NECTIN3: variants seen among roughly 807,000 people sequenced by gnomAD.
NECTIN3 encodes nectin-3.
In NECTIN3, 8 loss-of-function variants were observed where a neutral mutation model predicts 49.4. The observed-to-expected ratio is 0.16, with a 90% CI of 0.10 to 0.29. The LOEUF is 0.29. NECTIN3 is among the 10% of genes least tolerant of loss of function. NECTIN3 has a pLI of 1.00. For missense variants in NECTIN3, 581 were observed against 654.6 expected (o/e 0.89, Z 1.23); for synonymous variants, 277 against 241.1 (o/e 1.15, Z -1.38).
intron 7 of NECTIN3, among the ~76,000 whole-genome samples, chr3:111,180,377 G>A (rs1035500385): frequency 3.3e-5 from 5 of 152,134 alleles, no homozygotes; most frequent in East Asian, 3.9e-4. Flanking sequence ...TATGACTAGC[G>A]TACGCATATG....
chr3:111,125,901 T>A (rs1208115910), intron 4 of NECTIN3, among the ~76,000 whole-genome samples: 1 of 152,262 alleles, frequency 6.6e-6, no homozygotes, highest in African/African-American at 2.4e-5. Context: ...AAAATTTTTT[T>A]AATTATATTT....
At chr3:111,141,860 G>A (rs896520678), downstream of NECTIN3, among the ~76,000 whole-genome samples, 4 of 151,854 alleles carry the variant, frequency 2.6e-5, no homozygotes, top group African/African-American at 9.7e-5. Context: ...CATTCACTCA[G>A]TAAACTACCT....
chr3:111,077,933 G>C (rs1380421106), intron 1 of NECTIN3, among the ~76,000 whole-genome samples: 1 of 152,108 alleles, frequency 6.6e-6, no homozygotes. Context: ...CATTTAAAAA[G>C]TGAAGAAGAA....
chr3:111,141,264 T>C (rs1363790970), downstream of NECTIN3, among the ~76,000 whole-genome samples: 5 of 151,832 alleles, frequency 3.3e-5, no homozygotes, highest in African/African-American at 1.2e-4. Flanking sequence ...TACAATAATA[T>C]ATAGTATGGG....
Position 111,072,087 on chromosome 3 carries a change from C to T in NECTIN3, c.70C>T (p.Leu24Phe), listed in dbSNP as rs1217225030. Reference protein sequence around the residue: ...GGKAQLSSASLLGAGLLLQPP... With the variant: ...GGKAQLSSASFLGAGLLLQPP... ...CAAAGCACAACTTTCCTCCGCTTCT[C>T]TCCTCGGAGCCGGGCTCCTGCTGCA... Residue 24 changes from leucine to phenylalanine, a missense_variant, in exon 1 of 6, where the codon CTC (leucine) becomes TTC (phenylalanine). This residue lies in a region of NECTIN3 where 109 missense variants were observed against 69.1 expected (regional missense o/e 1.58). Transcript: ENST00000485303. 6 of 1,549,524 alleles carry T rather than the reference C, an allele frequency of 3.9e-6. No homozygotes were observed. The highest frequency in any genetic ancestry group is 2.4e-5 in the East Asian group (1 of 40,830).
upstream of NECTIN3, among the ~76,000 whole-genome samples, chr3:111,190,604 C>G (rs1184935372): frequency 6.6e-6 from 1 of 152,190 alleles, no homozygotes; most frequent in African/African-American, 2.4e-5. Context: ...ACTATAACTT[C>G]ATAAGAAGGA....
At chr3:111,132,770 C>T (rs2034438842) in intron 5 of NECTIN3, among the ~76,000 whole-genome samples, 1 of 151,810 alleles carries the variant, frequency 6.6e-6, no homozygotes. Context: ...GAGACTCCAT[C>T]CTAAAGTAGT....
downstream of NECTIN3, among the ~76,000 whole-genome samples, chr3:111,141,788 T>G (rs1360376137): frequency 6.6e-6 from 1 of 151,960 alleles, no homozygotes; most frequent in African/African-American, 2.4e-5. Context: ...GTTTTCTGCC[T>G]CTTGTAAGCA....
intron 7 of NECTIN3, among the ~76,000 whole-genome samples, chr3:111,176,743 T>TA (rs1167864124): frequency 2.0e-5 from 3 of 152,046 alleles, no homozygotes; most frequent in Non-Finnish European, 4.4e-5. Context: ...AAAATACATG[T>TA]AAAAATATGT....
rs1486427244 is a variant in NECTIN3, at chr3:111,071,991, G to A, written c.-27G>A. 1.4e-6 allele frequency: 2 copies of A among 1,425,658 alleles called. No individual in the cohort carries two copies. Among genetic ancestry groups the A allele is most frequent in the African/African-American group, 3.0e-5 (2 of 66,550 alleles). 88.3% of individuals were successfully genotyped at this position (1,425,658 alleles called of 1,614,324 possible). ...GCCGGGGGAGCCGGGGGGCGGGCGG[G>A]CGAGCGGGCCGGGGGGAGGGTGGGG... On this transcript the variant is annotated 5_prime_UTR_variant, in exon 1 of 6. Coordinates refer to ENST00000485303, the MANE Select transcript of NECTIN3 (RefSeq NM_015480.3).
chr3:111,172,947 A>G (rs980601931), intron 7 of NECTIN3, among the ~76,000 whole-genome samples: 9 of 152,296 alleles, frequency 5.9e-5, no homozygotes, highest in African/African-American at 2.2e-4. Context: ...AAGATTTTTT[A>G]CAGCTTTTGA....
chr3:111,118,264 A>ATATATATATG (rs1447481111), intron 2 of NECTIN3, among the ~76,000 whole-genome samples: 4 of 137,872 alleles, frequency 2.9e-5, no homozygotes, highest in African/African-American at 1.0e-4. Flanking sequence ...ATATATATAT[A>ATATATATATG]TATATATATA....
At chr3:111,145,138 G>C (rs1194896185) in intron 6 of NECTIN3, 12 of 1,311,968 alleles carry the variant, frequency 9.1e-6, no homozygotes, top group Non-Finnish European at 1.2e-5. Flanking sequence ...AGGGATAGAA[G>C]TAAGGATAAT....
At position 111,071,986 on chromosome 3, in the gene NECTIN3, G is replaced by A; in HGVS notation, c.-32G>A. 2.9e-6 allele frequency: 4 copies of A among 1,379,032 alleles called. No homozygotes were observed. The highest frequency in any genetic ancestry group is 3.8e-6 in the Non-Finnish European group (4 of 1,049,812). 85.4% of individuals were successfully genotyped at this position (1,379,032 alleles called of 1,614,324 possible). A position where few individuals can be genotyped will look rare whatever the true frequency, so the allele number is the denominator to read the frequency against. ...CCGGGGCCGGGGGAGCCGGGGGGCG[G>A]GCGGGCGAGCGGGCCGGGGGGAGGG... is the stretch of plus-strand genomic sequence containing the variant. On this transcript the variant is annotated 5_prime_UTR_variant, in exon 1 of 6. Coordinates refer to ENST00000485303, the MANE Select transcript of NECTIN3 (RefSeq NM_015480.3).
At chr3:111,111,214 T>G (rs1218873104) in intron 1 of NECTIN3, among the ~76,000 whole-genome samples, 2 of 152,170 alleles carry the variant, frequency 1.3e-5, no homozygotes, top group Non-Finnish European at 2.9e-5. Flanking sequence ...TCATGAATGT[T>G]AGCTTTATAT....
Position 111,148,133 on chromosome 3 carries a change from C to T in NECTIN3, c.1221+649C>T, listed in dbSNP as rs112422328. ...CAACATGTTGGATCTCTAAGCTGTA[C>T]TGGGGTTGTATAACCTCTGGGGGCA... On this transcript the variant is annotated intron_variant, in intron 7 of 8. Coordinates refer to the NECTIN3 transcript ENST00000493615. Among the ~76,000 whole-genome samples the T allele has an allele frequency of 3.2e-3, 487 of 152,304 alleles. 4 individuals are homozygous for T. The highest frequency in any genetic ancestry group is 0.011 in the African/African-American group (459 of 41,564).
At chr3:111,091,008 A>G (rs2032236395) in intron 1 of NECTIN3, among the ~76,000 whole-genome samples, 1 of 152,124 alleles carries the variant, frequency 6.6e-6, no homozygotes, top group African/African-American at 2.4e-5. Context: ...TATAATTCAC[A>G]TACTTTACAG....
At chr3:111,170,679 A>G (rs1331298062) in intron 7 of NECTIN3, among the ~76,000 whole-genome samples, 1 of 152,180 alleles carries the variant, frequency 6.6e-6, no homozygotes, top group African/African-American at 2.4e-5. Flanking sequence ...AAACCAACAT[A>G]ACAGGATTCC....
At chr3:111,086,923 CATCTT>C (rs1692105772) in intron 1 of NECTIN3, among the ~76,000 whole-genome samples, 1 of 151,928 alleles carries the variant, frequency 6.6e-6, no homozygotes, top group Non-Finnish European at 1.5e-5. Flanking sequence ...TGTGTGTAGA[CATCTT>C]ATATAACTGT....
Sources: allele counts gnomAD v4.1 joint callset (sites outside exome capture counted in the v4.1 genomes callset), GRCh38; gene constraint gnomAD v4.1.1; regional missense constraint gnomAD v4.1.1; transcripts MANE v1.5; gene names NCBI Gene and HGNC (gene_info 2026-07-23, HGNC 2026-07-21).